The following NPDC1 variants were observed in gnomAD, a reference collection of about 807,000 sequenced individuals.
NPDC1 encodes neural proliferation, differentiation and control 1, also known as neural proliferation differentiation and control protein 1.
Under a neutral mutation model 32.5 loss-of-function variants are expected in NPDC1, and 18 were observed. The observed-to-expected ratio is 0.55, with a 90% CI of 0.38 to 0.82. NPDC1 has a LOEUF of 0.82. NPDC1 is among the 40% of genes least tolerant of loss of function. The pLI is 0.00. For synonymous variants in NPDC1, 210 were observed against 184.7 expected, an observed-to-expected ratio of 1.14 and a Z score of -1.11; for missense variants, 468 against 406.6, an observed-to-expected ratio of 1.15 and a Z score of -1.30.
chr9:137,043,533 G>A (rs1832088646), intron 1 of NPDC1: 1 of 604,016 alleles, frequency 1.7e-6, no homozygotes, highest in Admixed American at 2.9e-5. Flanking sequence ...TTCCCGTGCG[G>A]CTCTCCCCAG....
chr9:137,043,550 G>A (rs532095724), intron 1 of NPDC1: 2 of 596,234 alleles, frequency 3.4e-6, no homozygotes, highest in Admixed American at 3.0e-5. Flanking sequence ...CCAGAACCCG[G>A]CACTGACAAG....
At chr9:137,040,221 G>C in intron 7 of NPDC1, 136 bp downstream of exon 7, 1 of 832,528 alleles carries the variant, frequency 1.2e-6, no homozygotes, top group East Asian at 2.7e-5. Flanking sequence ...GCAGGGCGGC[G>C]GGGGAGGTGA....
At chr9:137,041,833 G>A (rs901249213) in intron 2 of NPDC1, among the ~76,000 whole-genome samples, 1 of 152,270 alleles carries the variant, frequency 6.6e-6, no homozygotes, top group Admixed American at 6.5e-5. Flanking sequence ...AAGTCACTCA[G>A]TGACTGGCCA....
At chr9:137,040,648 C>A in intron 5 of NPDC1, 23 bp downstream of exon 5, 1 of 1,565,348 alleles carries the variant, frequency 6.4e-7, no homozygotes, top group Non-Finnish European at 8.6e-7. Context: ...CCCTCCCTGC[C>A]CTGCCCGCGG....
At chr9:137,045,437 G>A (rs532919058) in intron 1 of NPDC1, among the ~76,000 whole-genome samples, 1 of 152,324 alleles carries the variant, frequency 6.6e-6, no homozygotes, top group South Asian at 2.1e-4. Flanking sequence ...CAGCACTGAG[G>A]CCCCGACCCC....
chr9:137,042,945 T>C lies in NPDC1; in HGVS notation c.241A>G (p.Arg81Gly). 1 of 1,603,374 alleles carries C rather than the reference T, an allele frequency of 6.2e-7. No homozygotes were observed. The highest frequency in any genetic ancestry group is 8.5e-7 in the Non-Finnish European group (1 of 1,173,538). The change falls in exon 2 of 9, where the codon AGG becomes GGG. Residue 81 changes from arginine to glycine, a missense_variant. Physicochemically the swap from Arg to Gly is moderately radical, Grantham distance 125. Coordinates refer to ENST00000371601, the MANE Select transcript of NPDC1 (RefSeq NM_015392.4). ...QEDQQGLCVP[R>G]MRRPPGGGRP... ...CTCGTACCTGGAGGCCGGCGCATCC[T>C]GGGCACACAGAGCCCTTGCTGGTCC...
At chr9:137,041,551 G>A (rs1318810780) in intron 2 of NPDC1, among the ~76,000 whole-genome samples, 2 of 152,196 alleles carry the variant, frequency 1.3e-5, no homozygotes, top group African/African-American at 2.4e-5. Context: ...ACTCCCCAAG[G>A]AGTGGGGGGA....
chr9:137,041,323 AT>A, intron 2 of NPDC1, 136 bp from the exon 3 acceptor site: 2 of 1,019,238 alleles, frequency 2.0e-6, no homozygotes, highest in Middle Eastern at 3.5e-4. Flanking sequence ...TCCCTCCCAG[AT>A]TGCCATGGTG....
rs756741854 is a variant in NPDC1 at position 137,043,033 on chromosome 9, C to T, written c.153G>A (p.Lys51=). ...CACCAGGAGGACACCTTGCCCGCCT[C>T]TTCAGGGCACAGTCCAGGCTCCCGG... ...ACPGSLDCAL[K]RRARCPPGAH... The change falls in exon 2 of 9, where the codon AAG becomes AAA. Residue 51 remains lysine (K), a synonymous_variant. Transcript: ENST00000371601. 4.3e-6 allele frequency: 7 copies of T among 1,612,752 alleles called. No individual in the cohort carries two copies. Among genetic ancestry groups the T allele is most frequent in the Admixed American group, 1.7e-5 (1 of 59,994 alleles).
At chr9:137,039,946 C>T (rs770837540) in intron 8 of NPDC1, 25 bp downstream of exon 8, 6 of 778,722 alleles carry the variant, frequency 7.7e-6, no homozygotes, top group Non-Finnish European at 1.4e-5. Flanking sequence ...ATGGTTCGCC[C>T]CTCCCTGCAC....
chr9:137,040,315 G>A (rs1358074912), intron 7 of NPDC1, 42 bp downstream of exon 7: 9 of 1,477,006 alleles, frequency 6.1e-6, no homozygotes, highest in Non-Finnish European at 8.2e-6. Flanking sequence ...TGGGGATGGG[G>A]GGTGGGTGGG....
Position 137,039,954 on chromosome 9 carries a change from C to T in NPDC1, c.885+17G>A, listed in dbSNP as rs769729278. The stretch of plus-strand genomic sequence containing the variant: ...CCAGGAGATGGTTCGCCCCTCCCTG[C>T]ACCCTGAGGCACTCACCGGGGCCAG... On this transcript the variant is annotated intron_variant, in intron 8 of 8. Coordinates refer to ENST00000371601, the MANE Select transcript of NPDC1 (RefSeq NM_015392.4). The T allele has an allele frequency of 1.3e-6, 1 of 778,906 alleles. No homozygotes were observed. The highest frequency in any genetic ancestry group is 2.4e-6 in the Non-Finnish European group (1 of 417,974). 48.2% of individuals were successfully genotyped at this position (778,906 alleles called of 1,614,324 possible). A position where few individuals can be genotyped will look rare whatever the true frequency, so the allele number is the denominator to read the frequency against.
chr9:137,042,803 C>T (rs1246953220), intron 2 of NPDC1, 124 bp downstream of exon 2: 4 of 1,218,450 alleles, frequency 3.3e-6, no homozygotes, highest in Non-Finnish European at 3.4e-6. Flanking sequence ...TGAGATCCAA[C>T]AGCCTGGGCC....
rs761191403 is a variant in NPDC1, at chr9:137,040,842, C to A, written c.528G>T (p.Arg176=). ...GGGCGAGGCCGTCGCCTTGCCCTCC[C>A]CGGGGCTCCAGGGGCGACATGTGCA... ...DPVHMSPLEP[R]GGQGDGLALV... is the part of the protein sequence containing the mutation. Residue 176 remains arginine, a synonymous_variant, in exon 4 of 9, where the codon CGG becomes CGT. Transcript: ENST00000371601. 6.3e-7 allele frequency: 1 copy of A among 1,596,992 alleles called. No homozygotes were observed. The highest frequency in any genetic ancestry group is 8.5e-7 in the Non-Finnish European group (1 of 1,175,480).
chr9:137,043,398 G>A, intron 1 of NPDC1: 1 of 694,388 alleles, frequency 1.4e-6, no homozygotes. Flanking sequence ...AGCCCCACAA[G>A]CCCAGCCTCC....
At position 137,041,051 on chromosome 9, in the gene NPDC1, G is replaced by C; in HGVS notation, c.385+11C>G. On this transcript the variant is annotated intron_variant, in intron 3 of 8. Coordinates refer to ENST00000371601, the MANE Select transcript of NPDC1 (RefSeq NM_015392.4). ...GACAGGGCCGTGGGGCAGGGGAAGC[G>C]GGGGTCTCACCAGGCTCCGGGAGCC... The C allele has an allele frequency of 1.3e-6, 2 of 1,519,900 alleles. No homozygotes were observed. Among genetic ancestry groups the C allele is most frequent in the Non-Finnish European group, 1.8e-6 (2 of 1,135,420 alleles). The allele number at this position is 1,519,900 out of a possible 1,614,324, so 94.2% of individuals were successfully genotyped here. A position where few individuals can be genotyped will look rare whatever the true frequency, so the allele number is the denominator to read the frequency against.
Position 137,045,861 on chromosome 9 carries a change from C to A in NPDC1, c.112+17G>T. The A allele has an allele frequency of 2.0e-6, 2 of 1,023,718 alleles. No individual in the cohort carries two copies. Among genetic ancestry groups the A allele is most frequent in the South Asian group, 4.5e-5 (1 of 22,440 alleles). The allele number at this position is 1,023,718 out of a possible 1,614,324, so 63.4% of individuals were successfully genotyped here. A position where few individuals can be genotyped will look rare whatever the true frequency, so the allele number is the denominator to read the frequency against. On this transcript the variant is annotated intron_variant, in intron 1 of 8. Transcript: ENST00000371601. ...CCCCGGGGCGCCCCGCGGCCTGCGCCCAGCGCGCTCGCTCACCCGGGTGGC... is the reference window on the plus strand; with the variant it reads ...CCCCGGGGCGCCCCGCGGCCTGCGCACAGCGCGCTCGCTCACCCGGGTGGC...
At chr9:137,042,871 A>G (rs1221605086) in intron 2 of NPDC1, 56 bp downstream of exon 2, 13 of 1,538,564 alleles carry the variant, frequency 8.4e-6, no homozygotes, top group East Asian at 4.5e-5. Flanking sequence ...CGCTTCTTAC[A>G]GGGAGAGGTT....
chr9:137,044,339 C>T (rs1267777130), intron 1 of NPDC1, among the ~76,000 whole-genome samples: 1 of 152,222 alleles, frequency 6.6e-6, no homozygotes, highest in East Asian at 1.9e-4. Flanking sequence ...AACATTAAAC[C>T]TGTGCCAGCA....
Sources: gnomAD v4.1 joint callset for allele counts (sites outside exome capture counted in the v4.1 genomes callset) on GRCh38, gnomAD v4.1.1 for gene constraint, MANE v1.5 for transcripts, NCBI Gene and HGNC (gene_info 2026-07-23, HGNC 2026-07-21) for gene names.